The following NKAIN2 variants were observed in gnomAD, a reference collection of about 807,000 sequenced individuals.
NKAIN2 encodes the protein sodium/potassium-transporting ATPase subunit beta-1-interacting protein 2.
A neutral mutation model predicts 32.6 loss-of-function variants in NKAIN2; 14 were observed. The observed-to-expected ratio is 0.43, with a 90% confidence interval of 0.28 to 0.67. The LOEUF (loss-of-function observed/expected upper bound fraction) is 0.67. Among genes scored for constraint, NKAIN2 ranks in the 30% least tolerant of loss-of-function variants. The pLI is 0.17. For missense variants in NKAIN2, 198 were observed against 258.3 expected, an observed-to-expected ratio of 0.77 and a Z score of 1.60; for synonymous variants, 80 against 87.2, an observed-to-expected ratio of 0.92 and a Z score of 0.46.
chr6:124,163,479 C>T (rs1027833954), intron 1 of NKAIN2, among the ~76,000 whole-genome samples: 1 of 151,858 alleles, frequency 6.6e-6, no homozygotes, highest in Admixed American at 6.6e-5. Flanking sequence ...TCCTCCTAGT[C>T]TTGAGTTCTC....
chr6:124,496,098 A>G (rs946373122), intron 3 of NKAIN2, among the ~76,000 whole-genome samples: 5 of 152,104 alleles, frequency 3.3e-5, no homozygotes, highest in African/African-American at 1.2e-4. Context: ...ATCTCAATTT[A>G]TTATAAAGCT....
At chr6:124,310,207 T>A (rs1796657929) in intron 2 of NKAIN2, among the ~76,000 whole-genome samples, 1 of 152,146 alleles carries the variant, frequency 6.6e-6, no homozygotes, top group Non-Finnish European at 1.5e-5. Context: ...AACATGGGAA[T>A]AGAAGATGAT....
intron 2 of NKAIN2, among the ~76,000 whole-genome samples, chr6:124,334,445 C>G (rs868452934): frequency 6.6e-6 from 1 of 152,106 alleles, no homozygotes; most frequent in African/African-American, 2.4e-5. Context: ...AATTTGGAGA[C>G]TAAGGTTTCT....
At chr6:123,884,794 A>G (rs1182108483) in intron 1 of NKAIN2, among the ~76,000 whole-genome samples, 2 of 152,118 alleles carry the variant, frequency 1.3e-5, no homozygotes, top group Non-Finnish European at 1.5e-5. Flanking sequence ...TCTGTGACAA[A>G]TAAAAATAGT....
intron 3 of NKAIN2, among the ~76,000 whole-genome samples, chr6:124,585,117 T>C (rs1253750596): frequency 6.6e-6 from 1 of 152,244 alleles, no homozygotes; most frequent in Non-Finnish European, 1.5e-5. Context: ...GATGGAGTAC[T>C]GTTCAGCCAC....
chr6:124,277,876 C>G (rs1219696402), intron 1 of NKAIN2, among the ~76,000 whole-genome samples: 2 of 150,628 alleles, frequency 1.3e-5, no homozygotes, highest in Admixed American at 6.7e-5. Context: ...TAATAACACA[C>G]CTTAAAAAAA....
intron 3 of NKAIN2, among the ~76,000 whole-genome samples, chr6:124,566,421 G>C (rs1780914172): frequency 6.6e-6 from 1 of 152,146 alleles, no homozygotes; most frequent in African/African-American, 2.4e-5. Flanking sequence ...AACGGTGAGT[G>C]GCAGGTAGCA....
At chr6:124,364,347 C>A (rs969262911) in intron 3 of NKAIN2, among the ~76,000 whole-genome samples, 2 of 151,288 alleles carry the variant, frequency 1.3e-5, no homozygotes, top group Non-Finnish European at 2.9e-5. Context: ...TGGATAGAAG[C>A]AATATCTGAA....
At chr6:124,447,727 T>A (rs957576687) in intron 3 of NKAIN2, among the ~76,000 whole-genome samples, 7 of 152,144 alleles carry the variant, frequency 4.6e-5, no homozygotes, top group African/African-American at 1.7e-4. Context: ...CATAATTGCA[T>A]CCCATCTCTG....
intron 3 of NKAIN2, among the ~76,000 whole-genome samples, chr6:124,594,669 T>C (rs1782020886): frequency 6.6e-6 from 1 of 152,188 alleles, no homozygotes; most frequent in Admixed American, 6.5e-5. Flanking sequence ...GAGATGAATG[T>C]ACCGAGAGTG....
At chr6:124,422,542 A>G (rs1774803547) in intron 3 of NKAIN2, among the ~76,000 whole-genome samples, 1 of 152,176 alleles carries the variant, frequency 6.6e-6, no homozygotes. Flanking sequence ...CTTTGTTCTA[A>G]ATTTACAAGT....
chr6:124,540,507 T>G (rs1180208402), intron 3 of NKAIN2, among the ~76,000 whole-genome samples: 3 of 152,252 alleles, frequency 2.0e-5, no homozygotes, highest in Non-Finnish European at 4.4e-5. Context: ...ACCAGGATGG[T>G]TGAGAACAAA....
chr6:124,352,523 G>A (rs974683730), intron 2 of NKAIN2, among the ~76,000 whole-genome samples: 1 of 152,156 alleles, frequency 6.6e-6, no homozygotes, highest in African/African-American at 2.4e-5. Context: ...TGGAAAGAAT[G>A]CTTGCCGACG....
chr6:124,250,294 T>C (rs1272960609), intron 1 of NKAIN2, among the ~76,000 whole-genome samples: 1 of 152,132 alleles, frequency 6.6e-6, no homozygotes, highest in Non-Finnish European at 1.5e-5. Flanking sequence ...TATTTTGTTA[T>C]AGCAGCCTGA....
rs568978434 is a variant in NKAIN2 at position 124,629,524 on chromosome 6, T to C, written c.274-28662T>C. ...CCCCTGGGGAGGAATAATTTATCGATGCACACAGGAGAAATATTGTTGTCT... is the reference window on the plus strand; with the variant it reads ...CCCCTGGGGAGGAATAATTTATCGACGCACACAGGAGAAATATTGTTGTCT... On this transcript the variant is annotated intron_variant, in intron 3 of 6. Transcript: ENST00000368417. Among the ~76,000 whole-genome samples the C allele has an allele frequency of 3.3e-5, 5 of 152,304 alleles. No individual in the cohort carries two copies. In the South Asian group the frequency reaches 1.0e-3, roughly 32 times the overall value.
chr6:124,718,339 T>C (rs1433087693), intron 4 of NKAIN2, among the ~76,000 whole-genome samples: 2 of 152,192 alleles, frequency 1.3e-5, no homozygotes, highest in African/African-American at 2.4e-5. Flanking sequence ...ACATGTTGTC[T>C]TTAGTGACTG....
At chr6:124,151,293 A>G (rs1457694751) in intron 1 of NKAIN2, among the ~76,000 whole-genome samples, 2 of 152,094 alleles carry the variant, frequency 1.3e-5, no homozygotes, top group Admixed American at 6.6e-5. Flanking sequence ...ATTACATATA[A>G]TGATGAACAC....
chr6:124,051,880 T>C (rs1269939073), intron 1 of NKAIN2, among the ~76,000 whole-genome samples: 1 of 151,882 alleles, frequency 6.6e-6, no homozygotes, highest in African/African-American at 2.4e-5. Context: ...GTTTCAAGAA[T>C]AGAGGGTAGA....
rs562347183 is a variant in NKAIN2 at position 123,955,782 on chromosome 6, C to T, written c.54+151528C>T. ...CTGGGACTGCAAGCGTATGCCATCACACCTGAATAACTTAAATTTTATTTG... is the reference window on the plus strand; with the variant it reads ...CTGGGACTGCAAGCGTATGCCATCATACCTGAATAACTTAAATTTTATTTG... On this transcript the variant is annotated intron_variant, in intron 1 of 6. Coordinates refer to ENST00000368417, the MANE Select transcript of NKAIN2 (RefSeq NM_001040214.3). 5.3e-5 allele frequency among the ~76,000 whole-genome samples: 8 copies of T among 152,026 alleles called. No individual in the cohort carries two copies. In the East Asian group the frequency reaches 1.4e-3, roughly 26 times the overall value.
Sources: gnomAD v4.1 joint callset for allele counts (sites outside exome capture counted in the v4.1 genomes callset) on GRCh38, gnomAD v4.1.1 for gene constraint, MANE v1.5 for transcripts, NCBI Gene and HGNC (gene_info 2026-07-23, HGNC 2026-07-21) for gene names.